The following RASEF variants were observed in gnomAD, a reference collection of about 807,000 sequenced individuals.
RASEF encodes RAS and EF-hand domain containing.
In RASEF, 68 loss-of-function variants were observed where a neutral mutation model predicts 90.1. The observed-to-expected ratio is 0.75, with a 90% CI of 0.62 to 0.92. RASEF has a LOEUF of 0.92. RASEF is among the 40% of genes least tolerant of loss of function. RASEF has a pLI of 0.00. For missense variants in RASEF, 949 were observed against 937.2 expected (o/e 1.01, Z -0.16); for synonymous variants, 331 against 345.2 (o/e 0.96, Z 0.46).
chr9:83,048,937 T>C (rs967568621), intron 1 of RASEF: 3 of 186,666 alleles, frequency 1.6e-5, no homozygotes, highest in African/African-American at 7.1e-5. Context: ...GAGACCAGCA[T>C]GGCCAACACA....
intron 6 of RASEF, 40 bp from the exon 7 acceptor site, chr9:83,007,545 T>A (rs780303537): frequency 9.5e-6 from 14 of 1,469,676 alleles, no homozygotes; most frequent in South Asian, 2.3e-5. Flanking sequence ...GAATTAGGTG[T>A]CAAGTCCTGC....
chr9:83,214,993 A>T, the RASEF span, among the ~76,000 whole-genome samples: 10 of 151,810 alleles, frequency 6.6e-5, no homozygotes, highest in Non-Finnish European at 1.3e-4. Flanking sequence ...CCTGAACCCC[A>T]GGCTCCAGAG....
At chr9:83,120,189 A>G in the RASEF span, among the ~76,000 whole-genome samples, 1 of 152,234 alleles carries the variant, frequency 6.6e-6, no homozygotes, top group Non-Finnish European at 1.5e-5. Context: ...AGGAAGATGG[A>G]AAACTAAAAC....
the RASEF span, among the ~76,000 whole-genome samples, chr9:83,210,587 G>T: frequency 3.9e-5 from 6 of 152,126 alleles, no homozygotes; most frequent in African/African-American, 1.4e-4. Flanking sequence ...AGCTCACCAT[G>T]AATGACACCT....
chr9:83,208,828 G>A, the RASEF span, among the ~76,000 whole-genome samples: 2 of 152,136 alleles, frequency 1.3e-5, no homozygotes, highest in African/African-American at 4.8e-5. Flanking sequence ...TGAGCAGAGG[G>A]GGAGGATCAG....
chr9:83,171,694 G>T, the RASEF span, among the ~76,000 whole-genome samples: 1 of 151,640 alleles, frequency 6.6e-6, no homozygotes, highest in Non-Finnish European at 1.5e-5. Context: ...TGTCTTTTAG[G>T]TTTTGAAATG....
chr9:83,121,834 T>A, the RASEF span, among the ~76,000 whole-genome samples: 1 of 151,780 alleles, frequency 6.6e-6, no homozygotes, highest in Non-Finnish European at 1.5e-5. Context: ...CAGAGAGCAA[T>A]GACTCTGAAA....
At chr9:83,104,802 C>T in the RASEF span, among the ~76,000 whole-genome samples, 1 of 152,120 alleles carries the variant, frequency 6.6e-6, no homozygotes, top group South Asian at 2.1e-4. Context: ...ATTATTAGTT[C>T]TCTAAAAACA....
chr9:82,994,028 T>C (rs1651361348), intron 14 of RASEF, among the ~76,000 whole-genome samples: 1 of 152,210 alleles, frequency 6.6e-6, no homozygotes, highest in African/African-American at 2.4e-5. Flanking sequence ...TGGAAATTAC[T>C]CTTTGCAGTG....
At chr9:82,994,657 T>C (rs1332748272) in intron 14 of RASEF, among the ~76,000 whole-genome samples, 1 of 152,190 alleles carries the variant, frequency 6.6e-6, no homozygotes, top group African/African-American at 2.4e-5. Flanking sequence ...CCTCAAAAAA[T>C]AGTTTTGAAT....
At chr9:83,056,974 C>A (rs954291390) in intron 1 of RASEF, among the ~76,000 whole-genome samples, 1 of 152,048 alleles carries the variant, frequency 6.6e-6, no homozygotes, top group Non-Finnish European at 1.5e-5. Flanking sequence ...ATCTGAAAGC[C>A]AAAAAGAAAT....
At chr9:83,005,597 G>C in intron 7 of RASEF, 97 bp from the exon 8 acceptor site, 5 of 897,758 alleles carry the variant, frequency 5.6e-6, no homozygotes, top group Non-Finnish European at 5.5e-6. Context: ...TTCAGAATGT[G>C]GAATAGCTTA....
chr9:83,096,516 T>C, the RASEF span, among the ~76,000 whole-genome samples: 806 of 152,252 alleles, frequency 5.3e-3, 12 homozygotes, highest in Non-Finnish European at 4.1e-3. Context: ...AGCTCATGAC[T>C]GTTACTTGAG....
chr9:83,062,603 C>T lies in RASEF; in HGVS notation c.265G>A (p.Ala89Thr), dbSNP rs759589995. Reference sequence around the variant, plus strand: ...GGCCCCGCCTCAGACACGGCGGGCGCGGGATCCAGAGGACCCCAGTCCCGG... The same window carrying T: ...GGCCCCGCCTCAGACACGGCGGGCGTGGGATCCAGAGGACCCCAGTCCCGG... ...RRRDWGPLDP[A>T]PAVSEAGPET... The change falls in exon 1 of 17, where the codon GCG becomes ACG. Residue 89 changes from alanine (A) to threonine (T), a missense_variant. Ala to Thr is a moderately conservative substitution (Grantham distance 58). This residue lies in a region of RASEF where 656 missense variants were observed against 592.2 expected (regional missense o/e 1.11). Coordinates refer to ENST00000376447, the MANE Select transcript of RASEF (RefSeq NM_152573.4). 5.7e-6 allele frequency: 9 copies of T among 1,567,250 alleles called. No individual in the cohort carries two copies. The highest frequency in any genetic ancestry group is 5.5e-5 in the Admixed American group (3 of 54,082).
the RASEF span, among the ~76,000 whole-genome samples, chr9:83,080,574 G>C: frequency 6.6e-6 from 1 of 152,076 alleles, no homozygotes; most frequent in Non-Finnish European, 1.5e-5. Flanking sequence ...TTCCCTAAAA[G>C]AATTATTCAG....
the RASEF span, among the ~76,000 whole-genome samples, chr9:83,111,721 A>C: frequency 6.6e-6 from 1 of 152,072 alleles, no homozygotes; most frequent in South Asian, 2.1e-4. Context: ...ATAATATCTT[A>C]AGAGTTAGTT....
the RASEF span, among the ~76,000 whole-genome samples, chr9:83,145,910 A>T: frequency 6.6e-6 from 1 of 152,124 alleles, no homozygotes; most frequent in Admixed American, 6.6e-5. Flanking sequence ...CAAGTAACTC[A>T]GAAGAATAAC....
At chr9:83,059,002 CCTGAGG>C (rs1197638766) in intron 1 of RASEF, among the ~76,000 whole-genome samples, 1 of 152,120 alleles carries the variant, frequency 6.6e-6, no homozygotes, top group Non-Finnish European at 1.5e-5. Context: ...AGGTACCTGA[CCTGAGG>C]CTGTCCCTCC....
intron 1 of RASEF, among the ~76,000 whole-genome samples, chr9:83,030,330 C>A (rs1564082791): frequency 6.6e-6 from 1 of 151,320 alleles, no homozygotes; most frequent in Non-Finnish European, 1.5e-5. Flanking sequence ...GCACTCCAGC[C>A]TGGGTGACAG....
Sources: gnomAD v4.1 joint callset for allele counts (sites outside exome capture counted in the v4.1 genomes callset) on GRCh38, gnomAD v4.1.1 for gene constraint, gnomAD v4.1.1 regional missense constraint, MANE v1.5 for transcripts, NCBI Gene and HGNC (gene_info 2026-07-23, HGNC 2026-07-21) for gene names.